Variants in A2ML1 observed in about 807,000 individuals in gnomAD.
The protein encoded by A2ML1 is alpha-2-macroglobulin-like protein 1.
Under a neutral mutation model 181.9 loss-of-function variants are expected in A2ML1, and 161 were observed. That is an observed-to-expected ratio of 0.89 (90% CI 0.78 to 1.01). The LOEUF (loss-of-function observed/expected upper bound fraction) is 1.01. Ranked by LOEUF, A2ML1 falls within the 50% of genes least tolerant of loss-of-function variation. The pLI, the probability that A2ML1 is intolerant of heterozygous loss-of-function variation, is 0.00. For synonymous variants in A2ML1, 663 were observed against 666.8 expected, an observed-to-expected ratio of 0.99 and a Z score of 0.09; for missense variants, 1,670 against 1,768.1, an observed-to-expected ratio of 0.94 and a Z score of 1.00.
intron 3 of A2ML1, among the ~76,000 whole-genome samples, chr12:8,827,877 G>A (rs1942981553): frequency 6.6e-6 from 1 of 152,186 alleles, no homozygotes; most frequent in African/African-American, 2.4e-5. Flanking sequence ...GTACCTCCTT[G>A]ATGGTCTTGG....
intron 15 of A2ML1, 103 bp downstream of exon 15, chr12:8,847,801 C>A: frequency 7.0e-7 from 1 of 1,427,440 alleles, no homozygotes; most frequent in Non-Finnish European, 9.4e-7. Flanking sequence ...GGAAATAATG[C>A]ACTGCCATAA....
At chr12:8,840,957 A>G (rs1943449336) in intron 10 of A2ML1, among the ~76,000 whole-genome samples, 1 of 149,222 alleles carries the variant, frequency 6.7e-6, no homozygotes, top group Non-Finnish European at 1.5e-5. Flanking sequence ...GAAGGAAGGA[A>G]GGAAGGAAAG....
chr12:8,853,312 A>T (rs1943954077), intron 20 of A2ML1, among the ~76,000 whole-genome samples: 1 of 152,204 alleles, frequency 6.6e-6, no homozygotes, highest in Non-Finnish European at 1.5e-5. Flanking sequence ...CCTCACCCCC[A>T]ACCCTATGGG....
chr12:8,843,440 T>G, intron 12 of A2ML1, 79 bp downstream of exon 12: 6 of 1,358,988 alleles, frequency 4.4e-6, no homozygotes, highest in African/African-American at 1.5e-5. Flanking sequence ...AGGGTGCACC[T>G]AGGCTATCTG....
intron 3 of A2ML1, among the ~76,000 whole-genome samples, chr12:8,827,579 T>C (rs1197195074): frequency 6.6e-6 from 1 of 152,186 alleles, no homozygotes; most frequent in East Asian, 1.9e-4. Context: ...TCACTATCTT[T>C]GTTTCTGGGA....
At chr12:8,842,383 T>G (rs1269649228) in intron 11 of A2ML1, among the ~76,000 whole-genome samples, 11 of 138,014 alleles carry the variant, frequency 8.0e-5, no homozygotes, top group East Asian at 4.0e-4. Flanking sequence ...CACGCCCGGC[T>G]AATTTTTTGT....
chr12:8,831,977 C>T (rs1242516169), intron 4 of A2ML1, among the ~76,000 whole-genome samples: 9 of 151,988 alleles, frequency 5.9e-5, no homozygotes, highest in East Asian at 1.9e-4. Flanking sequence ...CTTGAACTCC[C>T]GACCTCAAGT....
chr12:8,845,319 C>A, intron 12 of A2ML1, 123 bp from the exon 13 acceptor site: 1 of 1,414,270 alleles, frequency 7.1e-7, no homozygotes, highest in South Asian at 1.2e-5. Context: ...GAGGTATTGA[C>A]CCGGACTCTG....
rs368863619 is a variant in A2ML1 at position 8,841,544 on chromosome 12, T to C, written c.1248+8T>C. The C allele has an allele frequency of 1.9e-6, 3 of 1,604,542 alleles. No individual in the cohort carries two copies. Among genetic ancestry groups the C allele is most frequent in the Middle Eastern group, 1.7e-4 (1 of 6,030 alleles). The stretch of plus-strand genomic sequence containing the variant: ...ACAGACGTTTCTCTGGAGGTAAGCA[T>C]GGACGGAGGACCAGCTTCCTAGAAA... On this transcript the variant is annotated splice_region_variant and intron_variant, in intron 11 of 35. Coordinates refer to ENST00000299698, the MANE Select transcript of A2ML1 (RefSeq NM_144670.6).
At chr12:8,835,935 C>T (rs1054530988) in intron 6 of A2ML1, among the ~76,000 whole-genome samples, 3 of 149,802 alleles carry the variant, frequency 2.0e-5, no homozygotes, top group African/African-American at 7.4e-5. Context: ...ATGGCGTGAA[C>T]CTGGGAGGTG....
rs2064007438 is a variant in A2ML1, at chr12:8,846,062, C to T, written c.1538-15C>T. 6 of 1,613,816 alleles carry T rather than the reference C, an allele frequency of 3.7e-6. No individual in the cohort carries two copies. In the East Asian group the frequency reaches 1.3e-4, roughly 36 times the overall value. On this transcript the variant is annotated splice_polypyrimidine_tract_variant and intron_variant, in intron 13 of 35. Coordinates refer to ENST00000299698, the MANE Select transcript of A2ML1 (RefSeq NM_144670.6). ...TGCATTCTGATTTTCCTGTATATTC[C>T]CTCTTCTCTTTCAGGACTGAAAGCC...
chr12:8,836,307 G>A lies in A2ML1; in HGVS notation c.696G>A (p.Val232=). Residue 232 remains valine, a synonymous_variant, in exon 7 of 36, where the codon GTG becomes GTA. Transcript: ENST00000299698. ...EVVEPKELST[V]QESFLVKICC... is the part of the protein sequence containing the mutation. ...TGGAACCCAAGGAGTTATCAACGGT[G>A]CAGGAATCTTTCTTAGTAAAAATTT... The A allele has an allele frequency of 3.7e-6, 6 of 1,614,096 alleles. No individual in the cohort carries two copies. Among genetic ancestry groups the A allele is most frequent in the Non-Finnish European group, 4.2e-6 (5 of 1,180,026 alleles).
At position 8,874,952 on chromosome 12, in the gene A2ML1, G is replaced by T; in HGVS notation, c.4325-19G>T. On this transcript the variant is annotated intron_variant, in intron 34 of 35. Coordinates refer to ENST00000299698, the MANE Select transcript of A2ML1 (RefSeq NM_144670.6). ...TAGGAGGCCCTCAAAGTAATAATAT[G>T]ACTTATTTCATTTCACAGATGAACA... 1.2e-6 allele frequency: 2 copies of T among 1,613,502 alleles called. No individual in the cohort carries two copies. Among genetic ancestry groups the T allele is most frequent in the South Asian group, 2.2e-5 (2 of 90,946 alleles).
At chr12:8,827,297 T>C (rs1664481971) in intron 3 of A2ML1, among the ~76,000 whole-genome samples, 1 of 152,138 alleles carries the variant, frequency 6.6e-6, no homozygotes, top group Non-Finnish European at 1.5e-5. Flanking sequence ...CAAGATCACA[T>C]TACTGCACTC....
At chr12:8,883,462 C>T (rs1390086473) in intron 7 of A2ML1, among the ~76,000 whole-genome samples, 1 of 152,024 alleles carries the variant, frequency 6.6e-6, no homozygotes, top group Non-Finnish European at 1.5e-5. Flanking sequence ...GAAAGTATTT[C>T]CTTCTTCTTC....
At chr12:8,857,132 C>T (rs1462017796) in intron 23 of A2ML1, 32 bp from the exon 24 acceptor site, 2 of 1,600,792 alleles carry the variant, frequency 1.2e-6, no homozygotes, top group East Asian at 2.2e-5. Flanking sequence ...TTCTCTGTAC[C>T]CCTACCTTCT....
rs990192604 is a variant in A2ML1, at chr12:8,882,113, C to T, written c.*94+1497C>T. Among the ~76,000 whole-genome samples, 5 of 151,966 alleles carry T rather than the reference C, an allele frequency of 3.3e-5. No individual in the cohort carries two copies. In the East Asian group the frequency reaches 9.6e-4, roughly 29 times the overall value. ...CATGTCAACCATTAAAGAAAGAAAT[C>T]TGAAGATAAAGACTGGCAGTTAGCA... On this transcript the variant is annotated intron_variant and NMD_transcript_variant, in intron 7 of 7. Coordinates refer to the A2ML1 transcript ENST00000537475.
chr12:8,850,010 G>T, intron 17 of A2ML1, 150 bp from the exon 18 acceptor site: 1 of 705,018 alleles, frequency 1.4e-6, no homozygotes. Flanking sequence ...TTTGTGACTA[G>T]TTAGTTCCTC....
At position 8,863,173 on chromosome 12, in the gene A2ML1, C is replaced by T. The variant is rs1020355897; in HGVS notation, c.3503-621C>T. On this transcript the variant is annotated intron_variant, in intron 28 of 35. Coordinates refer to ENST00000299698, the MANE Select transcript of A2ML1 (RefSeq NM_144670.6). ...CCAGGTTGGAGTGCATTGGCGTGAT[C>T]TCAGTTCACCGCAACCTCCACCTCC... is the stretch of plus-strand genomic sequence containing the variant. Among the ~76,000 whole-genome samples the T allele has an allele frequency of 2.0e-5, 3 of 150,746 alleles. No homozygotes were observed. In the East Asian group the frequency reaches 5.8e-4, roughly 29 times the overall value.
Sources: allele counts gnomAD v4.1 joint callset (sites outside exome capture counted in the v4.1 genomes callset), GRCh38; gene constraint gnomAD v4.1.1; transcripts MANE v1.5; gene names NCBI Gene and HGNC (gene_info 2026-07-23, HGNC 2026-07-21).